NINJ2: variants seen among roughly 807,000 people sequenced by gnomAD.
The protein encoded by NINJ2 is ninjurin-2.
A neutral mutation model predicts 11.7 loss-of-function variants in NINJ2; 12 were observed. That is an observed-to-expected ratio of 1.02 (90% CI 0.66 to 1.66). The LOEUF (loss-of-function observed/expected upper bound fraction) is 1.66. Among genes scored for constraint, NINJ2 ranks in the 40% most tolerant of loss-of-function variants. The pLI is 0.00. For missense variants in NINJ2, 187 were observed against 181.8 expected (o/e 1.03, Z -0.16); for synonymous variants, 93 against 76.8 (o/e 1.21, Z -1.10).
intron 1 of NINJ2, among the ~76,000 whole-genome samples, chr12:612,032 C>G (rs971748535): frequency 6.6e-6 from 1 of 152,160 alleles, no homozygotes; most frequent in African/African-American, 2.4e-5. Context: ...AAGGAAGGCA[C>G]CTGTCTTCTC....
chr12:644,906 C>G (rs915575250), intron 1 of NINJ2: 2 of 152,042 alleles, frequency 1.3e-5, no homozygotes, highest in African/African-American at 2.4e-5. Flanking sequence ...CTGAGGGCAG[C>G]TGGGAACCAC....
rs1218093434 is a variant in NINJ2 at position 580,908 on chromosome 12, G to GTGTCTGTA, written c.34-14738_34-14731dup. On this transcript the variant is annotated intron_variant, in intron 1 of 3. Transcript: ENST00000305108. The surrounding 1 kb of genome is among the most constrained non-coding windows in gnomAD (Gnocchi z 4.7). ...TGCATGTGTCTGTGTGTCTGTGTGTGTGTCTGTATGTTTGTGTGTGTGTGC... is the reference window on the plus strand; with the variant it reads ...TGCATGTGTCTGTGTGTCTGTGTGTGTGTCTGTATGTCTGTATGTTTGTGTGTGTGTGC... Among the ~76,000 whole-genome samples the GTGTCTGTA allele has an allele frequency of 1.3e-5, 2 of 151,790 alleles. No homozygotes were observed. Among genetic ancestry groups the GTGTCTGTA allele is most frequent in the African/African-American group, 4.8e-5 (2 of 41,298 alleles).
At chr12:654,661 A>C (rs1937845994) in intron 1 of NINJ2, among the ~76,000 whole-genome samples, 1 of 152,030 alleles carries the variant, frequency 6.6e-6, no homozygotes, top group African/African-American at 2.4e-5. Context: ...TGGGAGGCCG[A>C]GGTGGGTGGA....
chr12:568,271 T>G (rs1947329113), intron 1 of NINJ2, among the ~76,000 whole-genome samples: 2 of 152,194 alleles, frequency 1.3e-5, no homozygotes, highest in Admixed American at 1.3e-4. Flanking sequence ...GCACTCGTCT[T>G]TGGAGATCCA....
At chr12:659,193 C>G (rs912400579) in intron 1 of NINJ2, among the ~76,000 whole-genome samples, 1 of 151,990 alleles carries the variant, frequency 6.6e-6, no homozygotes, top group Non-Finnish European at 1.5e-5. Flanking sequence ...CCACTCCCAT[C>G]TCATTCTATC....
chr12:652,173 C>T (rs997637985), intron 1 of NINJ2, among the ~76,000 whole-genome samples: 7 of 151,800 alleles, frequency 4.6e-5, no homozygotes, highest in Admixed American at 3.3e-4. Context: ...TGAAAGAATA[C>T]ACAAGAAAAA....
chr12:566,530 G>A (rs1035005031), intron 1 of NINJ2, among the ~76,000 whole-genome samples: 4 of 152,060 alleles, frequency 2.6e-5, no homozygotes, highest in Admixed American at 6.5e-5. Flanking sequence ...CCTCAGCTTT[G>A]GGCTGTGTTC....
At chr12:643,380 A>G (rs1370378014) in intron 1 of NINJ2, 11 of 932,656 alleles carry the variant, frequency 1.2e-5, no homozygotes, top group Middle Eastern at 2.9e-4. Flanking sequence ...CGCGGAGGAA[A>G]GGGTCGCAGC....
At chr12:620,567 T>C (rs536205305) in intron 1 of NINJ2, among the ~76,000 whole-genome samples, 1 of 152,372 alleles carries the variant, frequency 6.6e-6, no homozygotes, top group African/African-American at 2.4e-5. Flanking sequence ...CATTTGTAGA[T>C]ACTAAAAGTA....
chr12:644,939 T>C (rs1937652653), intron 1 of NINJ2: 1 of 152,188 alleles, frequency 6.6e-6, no homozygotes. Flanking sequence ...GAGAATGTTC[T>C]CTGTGGCTAC....
Position 600,096 on chromosome 12 carries a change from G to T in NINJ2, c.34-33918C>A, listed in dbSNP as rs190167209. 3.7e-3 allele frequency among the ~76,000 whole-genome samples: 571 copies of T among 152,302 alleles called. 2 individuals are homozygous for T. Among genetic ancestry groups the T allele is most frequent in the Admixed American group, 5.9e-3 (90 of 15,296 alleles). On this transcript the variant is annotated intron_variant, in intron 1 of 3. Transcript: ENST00000305108. ...TTCCGAACGCCTGAGCCACTGGGGG[G>T]TCTTGGCTACTTCCAAGCTTCAATT...
chr12:565,630 C>T (rs1230598840), intron 2 of NINJ2: 3 of 611,748 alleles, frequency 4.9e-6, no homozygotes, highest in Non-Finnish European at 8.7e-6. Flanking sequence ...TAAGCTGGGT[C>T]CTGTAAGCGT....
At position 656,180 on chromosome 12, in the gene NINJ2, T is replaced by G. The variant is rs191002119; in HGVS notation, c.33+7148A>C. On this transcript the variant is annotated intron_variant, in intron 1 of 3. Coordinates refer to ENST00000305108, the MANE Select transcript of NINJ2 (RefSeq NM_016533.6). ...GAGATCGAGACCATCCTGGCCAACATGGTGAAACCCCATCTCTACTAAAAA... is the reference window on the plus strand; with the variant it reads ...GAGATCGAGACCATCCTGGCCAACAGGGTGAAACCCCATCTCTACTAAAAA... Among the ~76,000 whole-genome samples the G allele has an allele frequency of 7.3e-3, 1,110 of 151,644 alleles. 16 individuals are homozygous for G. The highest frequency in any genetic ancestry group is 0.025 in the African/African-American group (1,047 of 41,328).
At chr12:569,296 CCAAG>C (rs1228937786) in intron 1 of NINJ2, among the ~76,000 whole-genome samples, 3 of 152,240 alleles carry the variant, frequency 2.0e-5, no homozygotes, top group Non-Finnish European at 4.4e-5. Context: ...GCCGTCAGCC[CCAAG>C]GCTGCAACCT....
intron 1 of NINJ2, chr12:642,924 C>G (rs1314473345): frequency 1.3e-5 from 2 of 149,300 alleles, no homozygotes; most frequent in African/African-American, 2.4e-5. Flanking sequence ...CCCTCGCGCT[C>G]CCGGGCCCCG....
At chr12:605,583 TAG>T (rs1341109832) in intron 1 of NINJ2, among the ~76,000 whole-genome samples, 1 of 152,148 alleles carries the variant, frequency 6.6e-6, no homozygotes, top group Admixed American at 6.6e-5. Flanking sequence ...TGACATAATC[TAG>T]AGAGACAACA....
At chr12:608,022 T>C (rs1300115910) in intron 1 of NINJ2, among the ~76,000 whole-genome samples, 1 of 152,196 alleles carries the variant, frequency 6.6e-6, no homozygotes, top group African/African-American at 2.4e-5. Context: ...TGTGCGCTTG[T>C]AGGAGCTGGT....
At chr12:579,085 T>C (rs1947510557) in intron 1 of NINJ2, among the ~76,000 whole-genome samples, 1 of 152,210 alleles carries the variant, frequency 6.6e-6, no homozygotes, top group Admixed American at 6.5e-5. Context: ...TAAGGGTGTA[T>C]ATGAGTTTTG....
In NINJ2 at chr12:565,309, T is replaced by C. The variant is rs150170585; in HGVS notation, c.355A>G (p.Asn119Asp). 9.0e-5 allele frequency: 145 copies of C among 1,614,178 alleles called. No individual in the cohort carries two copies. The African/African-American group carries it at 1.5e-3, about 17-fold the overall frequency. Residue 119 changes from asparagine to aspartate, a missense_variant, in exon 3 of 4, where the codon AAT (asparagine) becomes GAT (aspartate). Coordinates refer to ENST00000305108, the MANE Select transcript of NINJ2 (RefSeq NM_016533.6). The part of the protein sequence containing the change: ...TILVFFTVVI[N>D]VFITAFGAHK... ...GCCCCGAAGGCTGTAATGAAAACAT[T>C]GATGACCACAGTGAAGAAGACCAAG...
Sources: gnomAD v4.1 joint callset for allele counts (sites outside exome capture counted in the v4.1 genomes callset) on GRCh38, gnomAD v4.1.1 for gene constraint, Gnocchi (gnomAD v3.1) non-coding constraint, MANE v1.5 for transcripts, NCBI Gene and HGNC (gene_info 2026-07-23, HGNC 2026-07-21) for gene names.